Variants in DCLK1 observed in about 807,000 individuals in gnomAD.
DCLK1 encodes doublecortin like kinase 1.
DCLK1 carries 16 observed loss-of-function variants against 86.2 expected under a neutral mutation model. That is an observed-to-expected ratio of 0.19 (90% CI 0.13 to 0.28). The LOEUF (loss-of-function observed/expected upper bound fraction) is 0.28. Ranked by LOEUF, DCLK1 falls within the 10% of genes least tolerant of loss-of-function variation. DCLK1 has a pLI of 1.00. For synonymous variants in DCLK1, 369 were observed against 370.5 expected (o/e 1.00, Z 0.05); for missense variants, 590 against 940.2 (o/e 0.63, Z 4.87).
intron 4 of DCLK1, among the ~76,000 whole-genome samples, chr13:35,901,002 A>C (rs1476096059): frequency 6.6e-6 from 1 of 152,104 alleles, no homozygotes; most frequent in Non-Finnish European, 1.5e-5. Flanking sequence ...TTTTTTCTTA[A>C]GGCAGGTGTT....
intron 4 of DCLK1, among the ~76,000 whole-genome samples, chr13:35,899,358 TGTGTGTGTGTGAGA>T (rs1467250441): frequency 2.2e-5 from 2 of 92,642 alleles, no homozygotes; most frequent in African/African-American, 3.7e-5. Flanking sequence ...TGTGTGTGTG[TGTGTGTGTGTGAGA>T]GAGAGAGAGA....
chr13:35,960,023 T>G (rs1878372809), intron 3 of DCLK1, among the ~76,000 whole-genome samples: 1 of 152,156 alleles, frequency 6.6e-6, no homozygotes, highest in African/African-American at 2.4e-5. Flanking sequence ...CCCCAATGCT[T>G]GATCATCATG....
At chr13:35,968,452 A>G (rs1878890942) in intron 3 of DCLK1, among the ~76,000 whole-genome samples, 3 of 152,198 alleles carry the variant, frequency 2.0e-5, no homozygotes, top group Admixed American at 2.0e-4. Context: ...TTCCTCCAGC[A>G]GAATTCCCCT....
At chr13:35,851,678 A>G (rs1162916628) in intron 6 of DCLK1, among the ~76,000 whole-genome samples, 1 of 152,230 alleles carries the variant, frequency 6.6e-6, no homozygotes, top group East Asian at 1.9e-4. Flanking sequence ...ATGCCTGTAG[A>G]CAGCAACTTA....
chr13:35,920,592 G>A (rs999432899), intron 4 of DCLK1, among the ~76,000 whole-genome samples: 1 of 152,110 alleles, frequency 6.6e-6, no homozygotes, highest in East Asian at 1.9e-4. Flanking sequence ...GTTACGGATG[G>A]GGCCAATGAG....
chr13:35,899,368 T>A (rs891319041), intron 4 of DCLK1, among the ~76,000 whole-genome samples: 1 of 130,442 alleles, frequency 7.7e-6, no homozygotes, highest in Non-Finnish European at 1.6e-5. Context: ...TGTGTGTGTG[T>A]GAGAGAGAGA....
chr13:36,013,692 C>A (rs1011819327), intron 3 of DCLK1, among the ~76,000 whole-genome samples: 4 of 152,152 alleles, frequency 2.6e-5, no homozygotes, highest in African/African-American at 7.2e-5. Context: ...TTTGTCTGTG[C>A]CCTGCCCCCA....
chr13:36,014,753 T>G (rs913871031), intron 3 of DCLK1, among the ~76,000 whole-genome samples: 3 of 152,188 alleles, frequency 2.0e-5, no homozygotes, highest in African/African-American at 7.2e-5. Flanking sequence ...AATTATTCAG[T>G]ATATTAGTGT....
intron 3 of DCLK1, among the ~76,000 whole-genome samples, chr13:36,050,836 A>C (rs1246182954): frequency 6.6e-6 from 1 of 152,150 alleles, no homozygotes; most frequent in Admixed American, 6.6e-5. Flanking sequence ...GTCAGGATTC[A>C]AAGATGCTCA....
At position 35,878,177 on chromosome 13, in the gene DCLK1, G is replaced by C. The variant is rs555055574; in HGVS notation, c.824-6837C>G. On this transcript the variant is annotated intron_variant, in intron 4 of 16. Transcript: ENST00000360631. ...TCCTCAGTCTCCAGCTTGTCTGCCTGGTTGAGCTGAACAAAGCCATCCTGG... is the reference window on the plus strand; with the variant it reads ...TCCTCAGTCTCCAGCTTGTCTGCCTCGTTGAGCTGAACAAAGCCATCCTGG... Among the ~76,000 whole-genome samples, 8 of 152,310 alleles carry C rather than the reference G, an allele frequency of 5.3e-5. No individual in the cohort carries two copies. In the South Asian group the frequency reaches 1.7e-3, roughly 32 times the overall value.
intron 15 of DCLK1, among the ~76,000 whole-genome samples, chr13:35,800,392 G>A (rs990205249): frequency 1.3e-5 from 2 of 152,218 alleles, no homozygotes; most frequent in South Asian, 2.1e-4. Context: ...TCACACAGGT[G>A]AGTAAGCTGA....
rs1487621072 is a variant in DCLK1, at chr13:35,768,805, G to A, written c.*5730C>T. 1 of 152,200 alleles carries A rather than the reference G, an allele frequency of 6.6e-6. No homozygotes were observed. Among genetic ancestry groups the A allele is most frequent in the East Asian group, 1.9e-4 (1 of 5,184 alleles). The allele number at this position is 152,200 out of a possible 1,614,324, so 9.4% of individuals were successfully genotyped here. ...AGGACATGTGGGAAAGCTACACTCTGACCGCATGACTAATTTTTAAAGCCT... is the reference window on the plus strand; with the variant it reads ...AGGACATGTGGGAAAGCTACACTCTAACCGCATGACTAATTTTTAAAGCCT... On this transcript the variant is annotated 3_prime_UTR_variant, in exon 17 of 17. Coordinates refer to ENST00000360631, the MANE Select transcript of DCLK1 (RefSeq NM_001330071.2).
chr13:35,848,641 A>G (rs1448750579), intron 6 of DCLK1: 2 of 985,206 alleles, frequency 2.0e-6, no homozygotes, highest in Non-Finnish European at 2.4e-6. Flanking sequence ...ACTTAGAACA[A>G]ATAGCATTTA....
intron 3 of DCLK1, among the ~76,000 whole-genome samples, chr13:36,068,344 T>C (rs545240858): frequency 6.6e-6 from 1 of 152,194 alleles, no homozygotes; most frequent in African/African-American, 2.4e-5. Context: ...TAAGAGGCCA[T>C]GTAAATCAAT....
In DCLK1 at chr13:35,920,586, C is replaced by T. The variant is rs111959481; in HGVS notation, c.823+26772G>A. Among the ~76,000 whole-genome samples the T allele has an allele frequency of 1.8e-3, 279 of 152,164 alleles. 1 individual carries two copies. The highest frequency in any genetic ancestry group is 6.4e-3 in the African/African-American group (265 of 41,516). ...TTGTGGAGGAAACCAATGAGTGTTACGGATGGGGCCAATGAGAGACAAGGT... is the reference window on the plus strand; with the variant it reads ...TTGTGGAGGAAACCAATGAGTGTTATGGATGGGGCCAATGAGAGACAAGGT... On this transcript the variant is annotated intron_variant, in intron 4 of 16. Transcript: ENST00000360631.
intron 3 of DCLK1, among the ~76,000 whole-genome samples, chr13:36,066,711 G>GAA (rs5802802): frequency 1.3e-5 from 2 of 151,434 alleles, no homozygotes; most frequent in East Asian, 3.9e-4. Flanking sequence ...AAATTTACAA[G>GAA]AAAAAAACAA....
intron 15 of DCLK1, among the ~76,000 whole-genome samples, chr13:35,804,833 T>C (rs2086993494): frequency 6.6e-6 from 1 of 152,198 alleles, no homozygotes; most frequent in East Asian, 1.9e-4. Context: ...CCTTCATAGT[T>C]AATGAAATAT....
chr13:36,036,947 G>A (rs561868394), intron 3 of DCLK1, among the ~76,000 whole-genome samples: 6 of 152,132 alleles, frequency 3.9e-5, no homozygotes, highest in South Asian at 2.1e-4. Context: ...CTATTGCAGC[G>A]CTAGTCACAA....
At chr13:35,958,544 C>A (rs1878277318) in intron 3 of DCLK1, among the ~76,000 whole-genome samples, 1 of 152,094 alleles carries the variant, frequency 6.6e-6, no homozygotes, top group Non-Finnish European at 1.5e-5. Flanking sequence ...ACCAATACCA[C>A]CACCACCACC....
Sources: gnomAD v4.1 joint callset for allele counts (sites outside exome capture counted in the v4.1 genomes callset) on GRCh38, gnomAD v4.1.1 for gene constraint, MANE v1.5 for transcripts, NCBI Gene and HGNC (gene_info 2026-07-23, HGNC 2026-07-21) for gene names.